The following DLGAP1 variants were observed in gnomAD, a reference collection of about 807,000 sequenced individuals.
DLGAP1 encodes the protein DLG associated protein 1.
A neutral mutation model predicts 90.8 loss-of-function variants in DLGAP1; 11 were observed. That is an observed-to-expected ratio of 0.12 (90% CI 0.08 to 0.20). The LOEUF (loss-of-function observed/expected upper bound fraction) is 0.20, where lower values mean the gene tolerates loss of function less well. DLGAP1 is among the 10% of genes least tolerant of loss of function. The pLI, the probability that DLGAP1 is intolerant of heterozygous loss-of-function variation, is 1.00. For missense variants in DLGAP1, 1,050 were observed against 1,333.8 expected (o/e 0.79, Z 3.31); for synonymous variants, 558 against 540.7 (o/e 1.03, Z -0.44).
rs550258715 is a variant in DLGAP1 at position 4,150,260 on chromosome 18, G to C, written c.-159+920C>G. Reference sequence around the variant, plus strand: ...AGCAATATGAATCTCCTTCTGATCTGACACCACTTCTGTAGTATATTTGAT... The same window carrying C: ...AGCAATATGAATCTCCTTCTGATCTCACACCACTTCTGTAGTATATTTGAT... On this transcript the variant is annotated intron_variant, in intron 2 of 12. Coordinates refer to ENST00000315677, the MANE Select transcript of DLGAP1 (RefSeq NM_004746.4). Among the ~76,000 whole-genome samples the C allele has an allele frequency of 2.0e-5, 3 of 152,300 alleles. No homozygotes were observed. In the East Asian group the frequency reaches 5.8e-4, roughly 29 times the overall value.
chr18:4,058,716 C>T (rs899062956), intron 2 of DLGAP1, among the ~76,000 whole-genome samples: 8 of 152,196 alleles, frequency 5.3e-5, no homozygotes, highest in Non-Finnish European at 1.0e-4. Flanking sequence ...TCTCCCACTT[C>T]CTCCTGTAGC....
intron 1 of DLGAP1, among the ~76,000 whole-genome samples, chr18:4,339,340 G>A (rs552211885): frequency 3.3e-5 from 5 of 152,286 alleles, no homozygotes; most frequent in African/African-American, 1.2e-4. Context: ...GGCAGCCAGA[G>A]GGAGAGCATC....
chr18:4,209,752 C>A (rs956996692), intron 1 of DLGAP1, among the ~76,000 whole-genome samples: 3 of 152,000 alleles, frequency 2.0e-5, no homozygotes, highest in African/African-American at 4.8e-5. Flanking sequence ...TTGGGGGGTA[C>A]AAATTGGTGC....
intron 6 of DLGAP1, among the ~76,000 whole-genome samples, chr18:3,736,035 G>A (rs531641130): frequency 1.3e-5 from 2 of 152,084 alleles, no homozygotes; most frequent in Admixed American, 1.3e-4. Flanking sequence ...TCAAAGTCAC[G>A]GCTGAGCTGC....
At chr18:4,369,465 C>A (rs191958819) in intron 1 of DLGAP1, among the ~76,000 whole-genome samples, 2 of 151,528 alleles carry the variant, frequency 1.3e-5, no homozygotes, top group Admixed American at 1.3e-4. Context: ...ACTGTTATTT[C>A]TTTTTTTTTA....
intron 4 of DLGAP1, among the ~76,000 whole-genome samples, chr18:3,830,600 C>T (rs556979137): frequency 1.1e-4 from 16 of 152,328 alleles, no homozygotes; most frequent in African/African-American, 3.4e-4. Context: ...TTTATAGACT[C>T]ATCTTTTATT....
chr18:4,115,414 T>C lies in DLGAP1; in HGVS notation c.-159+35766A>G, dbSNP rs139549324. On this transcript the variant is annotated intron_variant, in intron 2 of 12. Transcript: ENST00000315677. ...ATATAGTTTGCTGTATTAACCTTAT[T>C]ATATACTGTTTACAATTCATTTCTT... is the stretch of plus-strand genomic sequence containing the variant. Among the ~76,000 whole-genome samples, 7 of 152,210 alleles carry C rather than the reference T, an allele frequency of 4.6e-5. No individual in the cohort carries two copies. The East Asian group carries it at 1.4e-3, about 29-fold the overall frequency.
At chr18:3,781,359 T>G (rs957789726) in intron 5 of DLGAP1, among the ~76,000 whole-genome samples, 16 of 151,938 alleles carry the variant, frequency 1.1e-4, no homozygotes, top group African/African-American at 3.6e-4. Context: ...CAATTTTTTT[T>G]TTTTTTTTTG....
At chr18:4,322,236 A>T (rs1466977245) in intron 1 of DLGAP1, among the ~76,000 whole-genome samples, 2 of 152,074 alleles carry the variant, frequency 1.3e-5, no homozygotes, top group Admixed American at 1.3e-4. Context: ...AGAAAAAGGG[A>T]AAAGCATTAC....
intron 1 of DLGAP1, among the ~76,000 whole-genome samples, chr18:4,274,862 G>C (rs1420972145): frequency 6.6e-6 from 1 of 152,170 alleles, no homozygotes; most frequent in Admixed American, 6.5e-5. Context: ...AGAGTAGTGA[G>C]AGACAAAACC....
chr18:3,518,283 TATTG>T (rs2050966139), intron 10 of DLGAP1, among the ~76,000 whole-genome samples: 1 of 152,176 alleles, frequency 6.6e-6, no homozygotes, highest in Non-Finnish European at 1.5e-5. Context: ...AAACACCATT[TATTG>T]ATTAAGTTCA....
chr18:4,080,895 T>C (rs967334251), intron 2 of DLGAP1, among the ~76,000 whole-genome samples: 1 of 151,660 alleles, frequency 6.6e-6, no homozygotes, highest in Non-Finnish European at 1.5e-5. Context: ...ATGCCCTTTT[T>C]TTTTTTTTTT....
chr18:3,849,535 G>C (rs1355828676), intron 4 of DLGAP1, among the ~76,000 whole-genome samples: 1 of 151,872 alleles, frequency 6.6e-6, no homozygotes, highest in African/African-American at 2.4e-5. Flanking sequence ...GACTCCATAG[G>C]GCCCTAGTCC....
chr18:4,257,973 A>ATGTGCG (rs2078925028), intron 1 of DLGAP1, among the ~76,000 whole-genome samples: 2 of 141,272 alleles, frequency 1.4e-5, no homozygotes, highest in African/African-American at 5.6e-5. Context: ...AGTTATACAT[A>ATGTGCG]TGTGTGTGTG....
chr18:3,590,987 G>A (rs2056205440), intron 7 of DLGAP1, among the ~76,000 whole-genome samples: 1 of 151,940 alleles, frequency 6.6e-6, no homozygotes, highest in Non-Finnish European at 1.5e-5. Flanking sequence ...AAAAATTATG[G>A]GTTTGTTTTT....
chr18:4,337,270 T>C (rs2081091542), intron 1 of DLGAP1, among the ~76,000 whole-genome samples: 1 of 147,058 alleles, frequency 6.8e-6, no homozygotes, highest in Non-Finnish European at 1.5e-5. Context: ...CTTGGTTCAC[T>C]GTAACCTCTG....
intron 1 of DLGAP1, among the ~76,000 whole-genome samples, chr18:4,421,952 A>G (rs1329455758): frequency 6.6e-6 from 1 of 152,050 alleles, no homozygotes; most frequent in Non-Finnish European, 1.5e-5. Context: ...GACCTCAAGC[A>G]ATCTGCCTGT....
chr18:3,588,681 G>A lies in DLGAP1; in HGVS notation c.1592-6433C>T, dbSNP rs553392812. Among the ~76,000 whole-genome samples the A allele has an allele frequency of 9.3e-5, 14 of 151,024 alleles. No homozygotes were observed. The East Asian group carries it at 2.3e-3, about 25-fold the overall frequency. On this transcript the variant is annotated intron_variant, in intron 7 of 12. Transcript: ENST00000315677. ...TGTATTCCCAGCTACTCAGGAGGCT[G>A]AGGCAGGAGAATTGCTTGAGCCCGG...
At chr18:4,127,948 T>C (rs529919996) in intron 2 of DLGAP1, among the ~76,000 whole-genome samples, 78 of 152,318 alleles carry the variant, frequency 5.1e-4, no homozygotes, top group African/African-American at 1.7e-4. Context: ...CTGACTACAA[T>C]AGTCCACAGT....
Sources: gnomAD v4.1 joint callset for allele counts (sites outside exome capture counted in the v4.1 genomes callset) on GRCh38, gnomAD v4.1.1 for gene constraint, MANE v1.5 for transcripts, NCBI Gene and HGNC (gene_info 2026-07-23, HGNC 2026-07-21) for gene names.